OSBPL9: variants seen among roughly 807,000 people sequenced by gnomAD.
OSBPL9 encodes oxysterol-binding protein-related protein 9.
A neutral mutation model predicts 106.6 loss-of-function variants in OSBPL9; 40 were observed. The observed-to-expected ratio is 0.38, with a 90% CI of 0.29 to 0.49. OSBPL9 has a LOEUF of 0.49. Ranked by LOEUF, OSBPL9 falls within the 20% of genes least tolerant of loss-of-function variation. The pLI is 0.97. For missense variants in OSBPL9, 609 were observed against 887.2 expected (o/e 0.69, Z 3.98); for synonymous variants, 269 against 295.4 (o/e 0.91, Z 0.92).
intron 1 of OSBPL9, among the ~76,000 whole-genome samples, chr1:51,641,905 A>G (rs1196810607): frequency 6.6e-6 from 1 of 152,180 alleles, no homozygotes; most frequent in Admixed American, 6.5e-5. Context: ...GGCACACAGT[A>G]TTGATTAGAA....
At chr1:51,762,683 G>A (rs1156749461) in intron 11 of OSBPL9, among the ~76,000 whole-genome samples, 12 of 152,138 alleles carry the variant, frequency 7.9e-5, no homozygotes, top group Admixed American at 7.2e-4. Flanking sequence ...CACTTATGTC[G>A]TGTATTTTTA....
Position 51,787,260 on chromosome 1 carries a change from C to G in OSBPL9, c.2001-93C>G, listed in dbSNP as rs1677882566. Reference sequence around the variant, plus strand: ...GAGATTTAGTCTGTGACCTACAGCACTTAAAGCCATTTGACTTGTATTATA... The same window carrying G: ...GAGATTTAGTCTGTGACCTACAGCAGTTAAAGCCATTTGACTTGTATTATA... On this transcript the variant is annotated intron_variant, in intron 22 of 23. Coordinates refer to ENST00000428468, the MANE Select transcript of OSBPL9 (RefSeq NM_024586.6). 5 of 1,288,906 alleles carry G rather than the reference C, an allele frequency of 3.9e-6. No individual in the cohort carries two copies. In the South Asian group the frequency reaches 6.6e-5, roughly 17 times the overall value. The allele number at this position is 1,288,906 out of a possible 1,614,324, so 79.8% of individuals were successfully genotyped here.
chr1:51,719,080 CT>C (rs1661584205), intron 4 of OSBPL9, among the ~76,000 whole-genome samples: 1 of 151,716 alleles, frequency 6.6e-6, no homozygotes, highest in Non-Finnish European at 1.5e-5. Context: ...ACTTTTTTTC[CT>C]TTTGGATTTT....
At chr1:51,573,249 C>A (rs1207862544), upstream of OSBPL9, among the ~76,000 whole-genome samples, 5 of 151,340 alleles carry the variant, frequency 3.3e-5, no homozygotes, top group Admixed American at 3.3e-4. Context: ...TGGCTCACAC[C>A]TATAATCCCA....
At chr1:51,724,814 A>T (rs1414715635) in intron 4 of OSBPL9, 1 of 250,348 alleles carries the variant, frequency 4.0e-6, no homozygotes, top group South Asian at 6.6e-5. Context: ...GAGCTTTACA[A>T]TCTCTTCTCT....
chr1:51,746,053 C>T lies in OSBPL9; in HGVS notation c.414+422C>T, dbSNP rs137876081. On this transcript the variant is annotated intron_variant, in intron 5 of 23. Transcript: ENST00000428468. ...CTCAGCTCACTGCAACCTCCGCCTCCCGGGTTCAAGCAATTGTTCTTCTGC... is the reference window on the plus strand; with the variant it reads ...CTCAGCTCACTGCAACCTCCGCCTCTCGGGTTCAAGCAATTGTTCTTCTGC... Among the ~76,000 whole-genome samples, 295 of 152,264 alleles carry T rather than the reference C, an allele frequency of 1.9e-3. 2 individuals carry two copies. Among genetic ancestry groups the T allele is most frequent in the African/African-American group, 6.4e-3 (267 of 41,536 alleles).
chr1:51,729,643 C>A lies in OSBPL9; in HGVS notation c.318+15564C>A. 1 of 292,364 alleles carries A rather than the reference C, an allele frequency of 3.4e-6. No homozygotes were observed. The highest frequency in any genetic ancestry group is 5.9e-6 in the Non-Finnish European group (1 of 168,464). 18.1% of individuals were successfully genotyped at this position (292,364 alleles called of 1,614,324 possible). On this transcript the variant is annotated intron_variant, in intron 4 of 23. Coordinates refer to ENST00000428468, the MANE Select transcript of OSBPL9 (RefSeq NM_024586.6). The surrounding 1 kb of genome is among the most constrained non-coding windows in gnomAD (Gnocchi z 5.1). ...GCGCACCCCTCCCGCGAGCTGCCAG[C>A]TCCCTCGGCCTCTCCACCCAAAACT...
At chr1:51,755,828 G>A (rs1233769869) in intron 8 of OSBPL9, among the ~76,000 whole-genome samples, 2 of 152,188 alleles carry the variant, frequency 1.3e-5, no homozygotes, top group African/African-American at 4.8e-5. Flanking sequence ...GAGCGTCAGT[G>A]CCTCCCTTTC....
chr1:51,536,370 A>G, the OSBPL9 span, among the ~76,000 whole-genome samples: 1 of 152,118 alleles, frequency 6.6e-6, no homozygotes, highest in African/African-American at 2.4e-5. Flanking sequence ...GCAGTGGTTC[A>G]ATTACAGCTC....
rs148077930 is a variant in OSBPL9, at chr1:51,709,294, G to A, written c.242-4709G>A. On this transcript the variant is annotated intron_variant, in intron 3 of 23. Coordinates refer to ENST00000428468, the MANE Select transcript of OSBPL9 (RefSeq NM_024586.6). The stretch of plus-strand genomic sequence containing the variant: ...GTCCTTCTGGAGGGGCACCTGGCCA[G>A]CACCATCCACTGCTTCCCCATGCAA... 1.3e-4 allele frequency: 28 copies of A among 217,376 alleles called. No homozygotes were observed. In the East Asian group the frequency reaches 3.0e-3, roughly 24 times the overall value. The allele number at this position is 217,376 out of a possible 1,614,324, so 13.5% of individuals were successfully genotyped here. A position where few individuals can be genotyped will look rare whatever the true frequency, so the allele number is the denominator to read the frequency against.
At chr1:51,568,923 GGATGCTCTC>G in the OSBPL9 span, among the ~76,000 whole-genome samples, 1 of 152,156 alleles carries the variant, frequency 6.6e-6, no homozygotes, top group African/African-American at 2.4e-5. Context: ...ATGTTGGCCA[GGATGCTCTC>G]GAACTCCTGA....
chr1:51,711,052 G>A (rs1659696923), intron 3 of OSBPL9, among the ~76,000 whole-genome samples: 1 of 151,084 alleles, frequency 6.6e-6, no homozygotes, highest in Non-Finnish European at 1.5e-5. Flanking sequence ...TTTTCCCAAG[G>A]CAGAAGAATT....
chr1:51,783,879 GTATA>G (rs1371780671), intron 17 of OSBPL9, 32 bp from the exon 18 acceptor site: 1 of 1,443,828 alleles, frequency 6.9e-7, no homozygotes, highest in South Asian at 1.1e-5. Flanking sequence ...GTGGCTGTAG[GTATA>G]TATAATCTAC....
intron 3 of OSBPL9, among the ~76,000 whole-genome samples, chr1:51,701,343 A>G (rs997196783): frequency 4.6e-5 from 7 of 152,206 alleles, no homozygotes; most frequent in African/African-American, 7.2e-5. Flanking sequence ...ATTATATTCT[A>G]TGGGTTATAG....
At chr1:51,720,792 ATTTTTTTTTTT>A (rs34137715) in intron 4 of OSBPL9, among the ~76,000 whole-genome samples, 13 of 101,136 alleles carry the variant, frequency 1.3e-4, no homozygotes, top group Non-Finnish European at 2.0e-4. Flanking sequence ...TCAAATTGGA[ATTTTTTTTTTT>A]TTTTTTTTTT....
chr1:51,684,185 A>G (rs1241663520), intron 3 of OSBPL9, among the ~76,000 whole-genome samples: 1 of 151,822 alleles, frequency 6.6e-6, no homozygotes, highest in Non-Finnish European at 1.5e-5. Context: ...TTTATTTTTT[A>G]TTTGGTAGAG....
chr1:51,614,765 T>C (rs1325259692), upstream of OSBPL9, among the ~76,000 whole-genome samples: 1 of 152,176 alleles, frequency 6.6e-6, no homozygotes, highest in Non-Finnish European at 1.5e-5. Context: ...AGGAGCTCAC[T>C]TAATCCTTGA....
At chr1:51,535,329 A>T in the OSBPL9 span, among the ~76,000 whole-genome samples, 2 of 152,164 alleles carry the variant, frequency 1.3e-5, no homozygotes, top group Admixed American at 6.5e-5. Context: ...AGGCCCTTAC[A>T]GGATGTCTGA....
chr1:51,711,025 A>G (rs1571241605), intron 3 of OSBPL9, among the ~76,000 whole-genome samples: 2 of 149,018 alleles, frequency 1.3e-5, no homozygotes, highest in East Asian at 2.0e-4. Context: ...CCTTACTTCT[A>G]TATTTTCTTT....
Sources: allele counts gnomAD v4.1 joint callset (sites outside exome capture counted in the v4.1 genomes callset), GRCh38; gene constraint gnomAD v4.1.1; non-coding constraint Gnocchi (gnomAD v3.1); transcripts MANE v1.5; gene names NCBI Gene and HGNC (gene_info 2026-07-23, HGNC 2026-07-21).